The following PRKD2 variants were observed in gnomAD, a reference collection of about 807,000 sequenced individuals.
PRKD2 encodes the protein protein kinase D2, also known as serine/threonine-protein kinase D2.
In PRKD2, 22 loss-of-function variants were observed where a neutral mutation model predicts 86.0. The ratio of observed to expected loss-of-function variants is 0.26; its 90% CI spans 0.18 to 0.37. PRKD2 has a LOEUF of 0.37. Ranked by LOEUF, PRKD2 falls within the 10% of genes least tolerant of loss-of-function variation. The pLI, the probability that PRKD2 is intolerant of heterozygous loss-of-function variation, is 1.00. For synonymous variants in PRKD2, 509 were observed against 510.9 expected (o/e 1.00, Z 0.05); for missense variants, 818 against 1,199.2 (o/e 0.68, Z 4.70).
In PRKD2 at chr19:46,678,657, G is replaced by A; in HGVS notation, c.2077C>T (p.Leu693=). Residue 693 remains leucine, a synonymous_variant, in exon 16 of 18, where the codon CTG becomes TTG. Transcript: ENST00000291281. This position sits in a 1 kb window ranked among gnomAD's most constrained non-coding sequence, Gnocchi z 5.7. ...ATGCGAGCAAAGCCAAAGTCACACA[G>A]CTTCACCTGCAGAGGGCAAGGGATG... ...ASADPFPQVK[L]CDFGFARIIG... is the part of the protein sequence containing the mutation. The A allele has an allele frequency of 6.2e-7, 1 of 1,603,314 alleles. No homozygotes were observed.
intron 8 of PRKD2, 123 bp from the exon 9 acceptor site, chr19:46,697,357 A>G (rs1164585171): frequency 4.3e-6 from 3 of 702,850 alleles, no homozygotes; most frequent in Non-Finnish European, 4.8e-6. Context: ...TCTAGCACCT[A>G]CCCCACGCCG....
chr19:46,703,735 G>A lies in PRKD2; in HGVS notation c.889+434C>T, dbSNP rs534092157. Among the ~76,000 whole-genome samples, 140 of 149,824 alleles carry A rather than the reference G, an allele frequency of 9.3e-4. 3 individuals are homozygous for A. The South Asian group carries it at 0.028, about 30-fold the overall frequency. ...TGCAGTGAGCCGAGATCACACCACT[G>A]CACTCCAGCCTGGGCGACAGAGTGA... On this transcript the variant is annotated intron_variant, in intron 5 of 17. Coordinates refer to ENST00000291281, the MANE Select transcript of PRKD2 (RefSeq NM_016457.5).
chr19:46,701,667 G>A (rs1030167985), intron 5 of PRKD2, among the ~76,000 whole-genome samples: 2 of 151,656 alleles, frequency 1.3e-5, no homozygotes, highest in African/African-American at 2.4e-5. Context: ...GTGTGTGTGT[G>A]TGTGTGTGTG....
intron 7 of PRKD2, among the ~76,000 whole-genome samples, chr19:46,699,943 AGAG>A (rs1599831820): frequency 1.4e-5 from 2 of 147,390 alleles, no homozygotes; most frequent in East Asian, 2.0e-4. Context: ...AAAAAAAAGA[AGAG>A]GAATATAGGT....
At position 46,698,317 on chromosome 19, in the gene PRKD2, C is replaced by T. The variant is rs1186815650; in HGVS notation, c.1122-467G>A. On this transcript the variant is annotated intron_variant, in intron 7 of 17. Coordinates refer to ENST00000291281, the MANE Select transcript of PRKD2 (RefSeq NM_016457.5). ...CCTTCACGAGATCCATCCGCCTCGG[C>T]CTCCCAGAGTGCTTACAGGTGTGAG... Among the ~76,000 whole-genome samples, 4 of 152,200 alleles carry T rather than the reference C, an allele frequency of 2.6e-5. No homozygotes were observed. In the East Asian group the frequency reaches 5.8e-4, roughly 22 times the overall value.
At chr19:46,703,499 C>A (rs986007166) in intron 5 of PRKD2, among the ~76,000 whole-genome samples, 3 of 151,842 alleles carry the variant, frequency 2.0e-5, no homozygotes, top group Non-Finnish European at 2.9e-5. Context: ...TGGCCAGGCG[C>A]GGTGGCTCAC....
At chr19:46,705,374 C>A (rs1439428860) in intron 3 of PRKD2, among the ~76,000 whole-genome samples, 1 of 151,640 alleles carries the variant, frequency 6.6e-6, no homozygotes, top group East Asian at 1.9e-4. Flanking sequence ...AAAGAAAATG[C>A]CTCTCCTCAC....
intron 15 of PRKD2, among the ~76,000 whole-genome samples, chr19:46,680,893 T>C (rs1253085630): frequency 7.2e-6 from 1 of 138,350 alleles, no homozygotes; most frequent in Admixed American, 7.9e-5. Context: ...GTTGACTACA[T>C]GTTGAATAAA....
At chr19:46,674,831 G>A in intron 17 of PRKD2, 96 bp from the exon 18 acceptor site, 3 of 1,375,296 alleles carry the variant, frequency 2.2e-6, no homozygotes, top group East Asian at 5.0e-5. Context: ...ACCAATGAAG[G>A]TGAAGCCATA....
intron 8 of PRKD2, 61 bp downstream of exon 8, chr19:46,697,672 G>A (rs2053580451): frequency 4.0e-6 from 6 of 1,493,210 alleles, no homozygotes; most frequent in Non-Finnish European, 4.6e-6. Context: ...GCCTACTCAA[G>A]CTGAGCCGCC....
At position 46,678,243 on chromosome 19, in the gene PRKD2, A is replaced by G. The variant is rs2122551259; in HGVS notation, c.2338+153T>C. The G allele has an allele frequency of 1.6e-6, 2 of 1,212,334 alleles. No individual in the cohort carries two copies. Among genetic ancestry groups the G allele is most frequent in the South Asian group, 1.5e-5 (1 of 66,736 alleles). The allele number at this position is 1,212,334 out of a possible 1,614,324, so 75.1% of individuals were successfully genotyped here. On this transcript the variant is annotated intron_variant, in intron 16 of 17. Coordinates refer to ENST00000291281, the MANE Select transcript of PRKD2 (RefSeq NM_016457.5). The surrounding 1 kb of genome is among the most constrained non-coding windows in gnomAD (Gnocchi z 5.7). Reference sequence around the variant, plus strand: ...TCTTTTACAGGACGGCTCCTCCTGTAGCCACATCCCTCCAGTAGGCCCGCC... The same window carrying G: ...TCTTTTACAGGACGGCTCCTCCTGTGGCCACATCCCTCCAGTAGGCCCGCC...
At chr19:46,696,705 A>C (rs549931852) in intron 9 of PRKD2, among the ~76,000 whole-genome samples, 236 of 152,266 alleles carry the variant, frequency 1.5e-3, no homozygotes, top group African/African-American at 5.4e-3. Context: ...CAGTGAGCCG[A>C]GATCGCGCCA....
Position 46,678,348 on chromosome 19 carries a change from C to A in PRKD2, c.2338+48G>T. On this transcript the variant is annotated intron_variant, in intron 16 of 17. Coordinates refer to ENST00000291281, the MANE Select transcript of PRKD2 (RefSeq NM_016457.5). The surrounding 1 kb of genome is among the most constrained non-coding windows in gnomAD (Gnocchi z 5.7). ...CTCATGGCTCCGCCCACTTCTCCAG[C>A]CCCACCCCACAACCCACCCGCCCAT... is the stretch of plus-strand genomic sequence containing the variant. 1 of 1,596,692 alleles carries A rather than the reference C, an allele frequency of 6.3e-7. No homozygotes were observed. The highest frequency in any genetic ancestry group is 1.1e-5 in the South Asian group (1 of 88,784).
chr19:46,683,283 C>T lies in PRKD2; in HGVS notation c.1972-1535G>A, dbSNP rs991795746. Among the ~76,000 whole-genome samples, 12 of 151,084 alleles carry T rather than the reference C, an allele frequency of 7.9e-5. No homozygotes were observed. In the East Asian group the frequency reaches 2.2e-3, roughly 27 times the overall value. ...CTAATTTTTGTATTTTTAGTAGAGA[C>T]GGGGTTTCATCATGTTGGTCAGGCT... On this transcript the variant is annotated intron_variant, in intron 14 of 17. Coordinates refer to ENST00000291281, the MANE Select transcript of PRKD2 (RefSeq NM_016457.5).
chr19:46,697,361 C>T (rs10413222), intron 8 of PRKD2, 127 bp from the exon 9 acceptor site: 359,091 of 673,110 alleles, frequency 0.53, 97,956 homozygotes, highest in Middle Eastern at 0.62. Flanking sequence ...GCACCTACCC[C>T]ACGCCGTAAC....
At chr19:46,675,939 T>G (rs2053194702) in intron 16 of PRKD2, among the ~76,000 whole-genome samples, 1 of 151,092 alleles carries the variant, frequency 6.6e-6, no homozygotes, top group Admixed American at 6.6e-5. Flanking sequence ...CCGGCTAATT[T>G]TTGTATTTTT....
intron 3 of PRKD2, 49 bp downstream of exon 3, chr19:46,710,858 C>G (rs748490329): frequency 7.9e-6 from 12 of 1,510,256 alleles, no homozygotes; most frequent in Non-Finnish European, 1.1e-5. Flanking sequence ...GCTCCGCCCC[C>G]GGTGCAGAGC....
At chr19:46,710,821 A>C (rs1040433315) in intron 3 of PRKD2, 86 bp downstream of exon 3, 1 of 1,382,556 alleles carries the variant, frequency 7.2e-7, no homozygotes, top group African/African-American at 1.5e-5. Context: ...CCTCCTCCCC[A>C]CGCTGTCCCC....
In PRKD2 at chr19:46,693,284, C is replaced by A. The variant is rs1254186146; in HGVS notation, c.1576+591G>T. ...GAGGGCAGGTCTTGGGCTGTCCTGG[C>A]CACCACTGGGTCCCCAGCACTGTCC... On this transcript the variant is annotated intron_variant, in intron 10 of 17. Coordinates refer to ENST00000291281, the MANE Select transcript of PRKD2 (RefSeq NM_016457.5). This position sits in a 1 kb window ranked among gnomAD's most constrained non-coding sequence, Gnocchi z 4.5. Among the ~76,000 whole-genome samples, 1 of 152,164 alleles carries A rather than the reference C, an allele frequency of 6.6e-6. No individual in the cohort carries two copies. The highest frequency in any genetic ancestry group is 2.4e-5 in the African/African-American group (1 of 41,438).
Sources: allele counts gnomAD v4.1 joint callset (sites outside exome capture counted in the v4.1 genomes callset), GRCh38; gene constraint gnomAD v4.1.1; non-coding constraint Gnocchi (gnomAD v3.1); transcripts MANE v1.5; gene names NCBI Gene and HGNC (gene_info 2026-07-23, HGNC 2026-07-21).